The following CCDC85A variants were observed in gnomAD, a reference collection of about 807,000 sequenced individuals.
The protein encoded by CCDC85A is coiled-coil domain containing 85A, also known as coiled-coil domain-containing protein 85A.
CCDC85A carries 38 observed loss-of-function variants against 50.2 expected under a neutral mutation model. That is an observed-to-expected ratio of 0.76 (90% CI 0.58 to 0.99). The LOEUF (loss-of-function observed/expected upper bound fraction) is 0.99, where lower values mean the gene tolerates loss of function less well. Among genes scored for constraint, CCDC85A ranks in the 50% least tolerant of loss-of-function variants. The pLI is 0.00. For synonymous variants in CCDC85A, 366 were observed against 301.4 expected, an observed-to-expected ratio of 1.21 and a Z score of -2.22; for missense variants, 820 against 742.0, an observed-to-expected ratio of 1.11 and a Z score of -1.22.
At chr2:56,224,367 A>G (rs965786004) in intron 2 of CCDC85A, among the ~76,000 whole-genome samples, 2 of 152,210 alleles carry the variant, frequency 1.3e-5, no homozygotes, top group African/African-American at 4.8e-5. Context: ...TTCATTGATG[A>G]TGAACATTCA....
chr2:56,317,908 G>C (rs1257308294), intron 2 of CCDC85A, among the ~76,000 whole-genome samples: 1 of 152,064 alleles, frequency 6.6e-6, no homozygotes, highest in Non-Finnish European at 1.5e-5. Context: ...TGACTAACCA[G>C]ATTACCACAG....
intron 2 of CCDC85A, among the ~76,000 whole-genome samples, chr2:56,324,281 G>C (rs146617339): frequency 6.6e-6 from 1 of 152,014 alleles, no homozygotes; most frequent in South Asian, 2.1e-4. Flanking sequence ...GGACATTTCT[G>C]TTAGCAGACC....
chr2:56,192,720 G>A lies in CCDC85A; in HGVS notation c.520G>A (p.Glu174Lys). The stretch of plus-strand genomic sequence containing the variant: ...CAAGGAGCTCTGTGTGCTACTAGAT[G>A]AGGAGAAGGGTGCAGGCTGCGCAGG... ...ELKELCVLLD[E>K]EKGAGCAGSR... Residue 174 changes from glutamate to lysine, a missense_variant, in exon 2 of 6, where the codon GAG (glutamate) becomes AAG (lysine). Physicochemically the swap from Glu to Lys is moderately conservative, Grantham distance 56. Coordinates refer to ENST00000407595, the MANE Select transcript of CCDC85A (RefSeq NM_001080433.2). The surrounding 1 kb of genome is among the most constrained non-coding windows in gnomAD (Gnocchi z 4.7). 6.2e-7 allele frequency: 1 copy of A among 1,613,842 alleles called. No homozygotes were observed. The highest frequency in any genetic ancestry group is 8.5e-7 in the Non-Finnish European group (1 of 1,179,856).
intron 2 of CCDC85A, among the ~76,000 whole-genome samples, chr2:56,277,692 G>T (rs1558619543): frequency 6.6e-6 from 1 of 152,152 alleles, no homozygotes; most frequent in South Asian, 2.1e-4. Context: ...TCTGTATAAG[G>T]CACTCTGCCC....
chr2:56,372,414 C>T lies in CCDC85A; in HGVS notation c.1388C>T (p.Ala463Val), dbSNP rs376208875. 3.1e-6 allele frequency: 5 copies of T among 1,606,848 alleles called. No homozygotes were observed. Among genetic ancestry groups the T allele is most frequent in the Non-Finnish European group, 4.2e-6 (5 of 1,176,666 alleles). ...SNMEKGWGSR[A>V]RRVLQWWQGC... ...ATGGAGAAAGGCTGGGGGTCCAGAG[C>T]CCGGCGGGTCTTGCAGTGGTGGCAA... is the stretch of plus-strand genomic sequence containing the variant. Residue 463 changes from alanine to valine, a missense_variant, in exon 4 of 6, where the codon GCC becomes GTC. Ala to Val is a moderately conservative substitution (Grantham distance 64). Coordinates refer to ENST00000407595, the MANE Select transcript of CCDC85A (RefSeq NM_001080433.2).
chr2:56,266,944 C>T (rs528186916), intron 2 of CCDC85A, among the ~76,000 whole-genome samples: 2 of 152,230 alleles, frequency 1.3e-5, no homozygotes, highest in Non-Finnish European at 2.9e-5. Context: ...AAGTGAGTAG[C>T]TGCCAGACCC....
intron 2 of CCDC85A, among the ~76,000 whole-genome samples, chr2:56,195,992 A>G (rs1256314316): frequency 6.6e-6 from 1 of 152,178 alleles, no homozygotes; most frequent in Non-Finnish European, 1.5e-5. Context: ...AGTGAAAAAG[A>G]TGACTGTTTT....
At chr2:56,275,980 C>T (rs978479959) in intron 2 of CCDC85A, among the ~76,000 whole-genome samples, 4 of 152,142 alleles carry the variant, frequency 2.6e-5, no homozygotes, top group Admixed American at 6.5e-5. Context: ...ATGGGCTAGC[C>T]TCATGATGTT....
intron 2 of CCDC85A, among the ~76,000 whole-genome samples, chr2:56,303,482 C>T (rs1672298663): frequency 2.0e-5 from 3 of 151,928 alleles, no homozygotes; most frequent in Admixed American, 2.0e-4. Context: ...CAAGGACTGT[C>T]ACAGGTAGAA....
At chr2:56,232,749 C>A (rs958272080) in intron 2 of CCDC85A, among the ~76,000 whole-genome samples, 1 of 152,150 alleles carries the variant, frequency 6.6e-6, no homozygotes, top group African/African-American at 2.4e-5. Context: ...CACTCCACAT[C>A]CAGGTCATTC....
intron 2 of CCDC85A, among the ~76,000 whole-genome samples, chr2:56,208,174 C>T (rs1436618619): frequency 6.6e-6 from 1 of 151,764 alleles, no homozygotes; most frequent in Non-Finnish European, 1.5e-5. Context: ...TTTATCCATA[C>T]AATGAGGTCA....
intron 2 of CCDC85A, among the ~76,000 whole-genome samples, chr2:56,271,015 G>C (rs922594253): frequency 6.6e-6 from 1 of 152,134 alleles, no homozygotes; most frequent in Admixed American, 6.5e-5. Flanking sequence ...CCATTTTCTA[G>C]ATCAGGGAAA....
intron 4 of CCDC85A, among the ~76,000 whole-genome samples, chr2:56,373,379 T>TA (rs113972496): frequency 0.025 from 3,495 of 138,052 alleles, 90 homozygotes; most frequent in African/African-American, 0.076. Flanking sequence ...ACTACTTTCA[T>TA]AAAAAAAAAA....
At chr2:56,342,675 T>A (rs570558474) in intron 2 of CCDC85A, among the ~76,000 whole-genome samples, 1 of 152,366 alleles carries the variant, frequency 6.6e-6, no homozygotes, top group East Asian at 1.9e-4. Flanking sequence ...ATCTAATATT[T>A]CTTAACGTTG....
intron 2 of CCDC85A, among the ~76,000 whole-genome samples, chr2:56,283,989 CT>C: frequency 6.6e-6 from 1 of 151,996 alleles, no homozygotes; most frequent in East Asian, 1.9e-4. Flanking sequence ...AACCTTTTAT[CT>C]TTTCTAAGTA....
chr2:56,254,027 C>G (rs914741630), intron 2 of CCDC85A, among the ~76,000 whole-genome samples: 2 of 152,066 alleles, frequency 1.3e-5, no homozygotes, highest in African/African-American at 4.8e-5. Flanking sequence ...TTTCCCTCAA[C>G]TCTAGTCTTA....
chr2:56,198,063 C>T (rs1345280660), intron 2 of CCDC85A, among the ~76,000 whole-genome samples: 2 of 152,200 alleles, frequency 1.3e-5, no homozygotes, highest in Non-Finnish European at 2.9e-5. Flanking sequence ...AAGACTGCTC[C>T]TTATTCTCTG....
chr2:56,341,403 G>C (rs1383525841), intron 2 of CCDC85A, among the ~76,000 whole-genome samples: 1 of 151,976 alleles, frequency 6.6e-6, no homozygotes, highest in Non-Finnish European at 1.5e-5. Flanking sequence ...TTGGTGGGTG[G>C]GCTTGCGGGG....
intron 3 of CCDC85A, among the ~76,000 whole-genome samples, chr2:56,360,130 A>G (rs1675448077): frequency 6.6e-6 from 1 of 152,248 alleles, no homozygotes; most frequent in South Asian, 2.1e-4. Context: ...TGTATTTACT[A>G]TTGGTCAATT....
Sources: gnomAD v4.1 joint callset for allele counts (sites outside exome capture counted in the v4.1 genomes callset) on GRCh38, gnomAD v4.1.1 for gene constraint, Gnocchi (gnomAD v3.1) non-coding constraint, MANE v1.5 for transcripts, NCBI Gene and HGNC (gene_info 2026-07-23, HGNC 2026-07-21) for gene names.